PODN: variants seen among roughly 807,000 people sequenced by gnomAD.
PODN encodes the protein podocan proteoglycan.
PODN carries 40 observed loss-of-function variants against 52.7 expected under a neutral mutation model. The observed-to-expected ratio is 0.76, with a 90% CI of 0.59 to 0.99. PODN has a LOEUF of 0.99. PODN is among the 50% of genes least tolerant of loss of function. PODN has a pLI of 0.00. For synonymous variants in PODN, 396 were observed against 377.9 expected (o/e 1.05, Z -0.56); for missense variants, 720 against 815.1 (o/e 0.88, Z 1.42).
At chr1:53,076,013 G>A in intron 5 of PODN, 42 bp downstream of exon 5, 1 of 1,479,498 alleles carries the variant, frequency 6.8e-7, no homozygotes, top group Non-Finnish European at 9.2e-7. Flanking sequence ...TGGGGCAAGG[G>A]GAGGGGCTGA....
chr1:53,076,873 G>A (rs558023628), intron 5 of PODN, among the ~76,000 whole-genome samples: 23 of 152,114 alleles, frequency 1.5e-4, no homozygotes, highest in Admixed American at 6.5e-5. Flanking sequence ...TGAAGGGGCC[G>A]CGAGTCAGGC....
chr1:53,080,044 G>A (rs1198089283), intron 8 of PODN, among the ~76,000 whole-genome samples: 2 of 151,280 alleles, frequency 1.3e-5, no homozygotes. Context: ...GAACCTGGGA[G>A]GGAGGGTGGG....
At chr1:53,080,063 A>T (rs767351970) in intron 8 of PODN, among the ~76,000 whole-genome samples, 1 of 150,492 alleles carries the variant, frequency 6.6e-6, no homozygotes, top group Non-Finnish European at 1.5e-5. Flanking sequence ...GGGTGCTGCC[A>T]GTTTAGGCAC....
intron 1 of PODN, among the ~76,000 whole-genome samples, chr1:53,067,483 C>T (rs887841652): frequency 3.9e-5 from 6 of 152,140 alleles, no homozygotes; most frequent in African/African-American, 1.4e-4. Context: ...GCCCTTACTT[C>T]AGAGAACTGG....
At chr1:53,083,510 C>A (rs999384585) in intron 10 of PODN, among the ~76,000 whole-genome samples, 1 of 152,196 alleles carries the variant, frequency 6.6e-6, no homozygotes, top group African/African-American at 2.4e-5. Context: ...TGGCTGCTGT[C>A]ACAGGCAGAT....
rs62000361 is a variant in PODN, at chr1:53,078,980, A to G, written c.1470A>G (p.Arg490=). Residue 490 remains arginine (R), a synonymous_variant, in exon 8 of 11, where the codon CGA becomes CGG. Transcript: ENST00000312553. ...TCACCAGCAACCGACTGCGCAGCCG[A>G]GCCCTGGGCCCCCGTGCCTGGGTGG... ...LYLTSNRLRS[R]ALGPRAWVDL... The G allele has an allele frequency of 5.2e-4, 814 of 1,571,448 alleles. 2 individuals are homozygous for G. In the African/African-American group the frequency reaches 9.3e-3, roughly 18 times the overall value.
intron 10 of PODN, among the ~76,000 whole-genome samples, chr1:53,082,610 A>G (rs1226455539): frequency 1.3e-5 from 2 of 152,168 alleles, no homozygotes; most frequent in Admixed American, 1.3e-4. Context: ...GGAGGTAGGA[A>G]AACCCCAGAC....
chr1:53,080,300 G>A (rs1426501886), intron 8 of PODN, among the ~76,000 whole-genome samples: 1 of 152,244 alleles, frequency 6.6e-6, no homozygotes, highest in Non-Finnish European at 1.5e-5. Flanking sequence ...TCCAGGGCCA[G>A]TGGGGTGAGA....
chr1:53,079,156 G>A (rs1057384007), intron 8 of PODN, 134 bp downstream of exon 8: 1 of 1,218,326 alleles, frequency 8.2e-7, no homozygotes, highest in African/African-American at 1.5e-5. Context: ...GCCAGGCTGA[G>A]CTCATTCACC....
At chr1:53,065,288 C>T (rs1290077912) in intron 1 of PODN, among the ~76,000 whole-genome samples, 4 of 151,810 alleles carry the variant, frequency 2.6e-5, no homozygotes, top group African/African-American at 9.7e-5. Context: ...CCCAGGAGCC[C>T]AAGGCTGCAG....
At chr1:53,066,773 C>A in intron 1 of PODN, 6 of 1,505,982 alleles carry the variant, frequency 4.0e-6, no homozygotes, top group Non-Finnish European at 5.4e-6. Flanking sequence ...CAGTACGGTG[C>A]AGAATGTTAA....
intron 4 of PODN, among the ~76,000 whole-genome samples, 169 bp from the exon 5 acceptor site, chr1:53,075,693 G>A (rs921612853): frequency 1.1e-4 from 17 of 152,106 alleles, no homozygotes; most frequent in African/African-American, 4.1e-4. Context: ...CAGCCAGAGA[G>A]GTTTTGTTTT....
chr1:53,076,482 C>CG (rs1644196567), intron 5 of PODN, among the ~76,000 whole-genome samples: 1 of 152,102 alleles, frequency 6.6e-6, no homozygotes, highest in Admixed American at 6.5e-5. Context: ...AGGCTCAAGA[C>CG]GGGCCACACA....
At chr1:53,074,800 C>T in intron 4 of PODN, 130 bp downstream of exon 4, 1 of 599,680 alleles carries the variant, frequency 1.7e-6, no homozygotes, top group South Asian at 2.8e-5. Context: ...TCAGACATGG[C>T]CCTGGGTCGG....
rs368208487 is a variant in PODN, at chr1:53,077,223, C to T, written c.615C>T (p.Asp205=). ...ACCTGCACAACAACAAGCTGGCAGA[C>T]GCCGGGCTGCCGGACAACATGTTCA... The part of the protein sequence containing the change: ...SVYLHNNKLA[D]AGLPDNMFNG... Residue 205 remains aspartate, a synonymous_variant, in exon 6 of 11, where the codon GAC becomes GAT. Coordinates refer to ENST00000312553, the MANE Select transcript of PODN (RefSeq NM_153703.5). 39 of 1,613,302 alleles carry T rather than the reference C, an allele frequency of 2.4e-5. No individual in the cohort carries two copies. In the African/African-American group the frequency reaches 2.9e-4, roughly 12 times the overall value.
intron 1 of PODN, among the ~76,000 whole-genome samples, chr1:53,069,409 G>A (rs1178931837): frequency 2.0e-5 from 3 of 152,224 alleles, no homozygotes; most frequent in Admixed American, 1.3e-4. Flanking sequence ...CTGGAGAGCC[G>A]GGACGCACCC....
At chr1:53,082,437 A>C (rs1644309362) in intron 10 of PODN, among the ~76,000 whole-genome samples, 1 of 152,304 alleles carries the variant, frequency 6.6e-6, no homozygotes, top group East Asian at 1.9e-4. Flanking sequence ...ACCGGGGGGC[A>C]CTGGACATGT....
chr1:53,084,450 C>G (rs1644334187), intron 10 of PODN, 63 bp from the exon 11 acceptor site: 3 of 152,216 alleles, frequency 2.0e-5, no homozygotes, highest in Non-Finnish European at 4.4e-5. Flanking sequence ...CAGGTCCCCT[C>G]AGGCTGCTTG....
Position 53,069,197 on chromosome 1 carries a change from C to T in PODN, c.-55-604C>T, listed in dbSNP as rs142681393. On this transcript the variant is annotated intron_variant, in intron 1 of 10. Coordinates refer to ENST00000312553, the MANE Select transcript of PODN (RefSeq NM_153703.5). ...AGTGTCCCGCTGCTCCCCCTCTTCC[C>T]ATGTTCATAGCACTGGAATTGGTTC... Among the ~76,000 whole-genome samples, 344 of 152,352 alleles carry T rather than the reference C, an allele frequency of 2.3e-3. 1 individual carries two copies. Among genetic ancestry groups the T allele is most frequent in the African/African-American group, 7.5e-3 (314 of 41,592 alleles).
Sources: gnomAD v4.1 joint callset for allele counts (sites outside exome capture counted in the v4.1 genomes callset) on GRCh38, gnomAD v4.1.1 for gene constraint, MANE v1.5 for transcripts, NCBI Gene and HGNC (gene_info 2026-07-23, HGNC 2026-07-21) for gene names.